Variants in ANKRD30A observed in about 807,000 individuals in gnomAD.
ANKRD30A encodes the protein ankyrin repeat domain 30A.
ANKRD30A carries 170 observed loss-of-function variants against 166.3 expected under a neutral mutation model. The observed-to-expected ratio is 1.02, with a 90% CI of 0.90 to 1.16. The LOEUF is 1.16. ANKRD30A is among the 50% of genes most tolerant of loss of function. The probability of loss-of-function intolerance (pLI) is 0.00; values close to 1 mark genes in which losing one functional copy is unlikely to be tolerated. For synonymous variants in ANKRD30A, 564 were observed against 508.9 expected (o/e 1.11, Z -1.46); for missense variants, 1,630 against 1,518.0 (o/e 1.07, Z -1.23).
intron 31 of ANKRD30A, among the ~76,000 whole-genome samples, chr10:37,212,132 C>T (rs963118594): frequency 6.6e-6 from 1 of 151,908 alleles, no homozygotes; most frequent in Admixed American, 6.6e-5. Flanking sequence ...ATCGTCTCAG[C>T]CCAAAATCTT....
intron 30 of ANKRD30A, among the ~76,000 whole-genome samples, chr10:37,200,236 A>C (rs1658089867): frequency 6.6e-6 from 1 of 152,104 alleles, no homozygotes; most frequent in South Asian, 2.1e-4. Context: ...ACTTGAACGT[A>C]TTGACATATC....
the ANKRD30A span, among the ~76,000 whole-genome samples, chr10:37,247,222 A>C: frequency 6.6e-6 from 1 of 152,204 alleles, no homozygotes; most frequent in African/African-American, 2.4e-5. Context: ...TGGTTGTTTC[A>C]GAGTTACTTT....
chr10:37,202,149 G>T (rs1841664887), intron 31 of ANKRD30A, among the ~76,000 whole-genome samples: 1 of 152,098 alleles, frequency 6.6e-6, no homozygotes, highest in South Asian at 2.1e-4. Context: ...AGGGTCAGAA[G>T]AAAGCATTAT....
intron 15 of ANKRD30A, among the ~76,000 whole-genome samples, chr10:37,158,854 C>T (rs1024722355): frequency 3.9e-5 from 6 of 152,096 alleles, no homozygotes; most frequent in Non-Finnish European, 7.4e-5. Context: ...AATTTCTGTA[C>T]GTGCTTGGTT....
chr10:37,222,424 T>TA (rs1842941827), intron 34 of ANKRD30A, among the ~76,000 whole-genome samples: 1 of 151,380 alleles, frequency 6.6e-6, no homozygotes, highest in Non-Finnish European at 1.5e-5. Flanking sequence ...ATCTATTTTG[T>TA]AGTACATATC....
chr10:37,159,220 A>C lies in ANKRD30A; in HGVS notation c.1900+634A>C, dbSNP rs1451644863. ...TTGCTGTCATTCCCATGCACGTTTA[A>C]AACATTTTACAACAGGCTGTGCATG... is the stretch of plus-strand genomic sequence containing the variant. On this transcript the variant is annotated intron_variant, in intron 15 of 35. Transcript: ENST00000361713. Among the ~76,000 whole-genome samples, 6 of 152,180 alleles carry C rather than the reference A, an allele frequency of 3.9e-5. No homozygotes were observed. The South Asian group carries it at 1.0e-3, about 26-fold the overall frequency.
At chr10:37,259,337 A>C in the ANKRD30A span, among the ~76,000 whole-genome samples, 3 of 152,354 alleles carry the variant, frequency 2.0e-5, no homozygotes, top group South Asian at 6.2e-4. Context: ...CACACAGACC[A>C]GTCTGGTCAA....
chr10:37,179,733 C>A (rs1174498516), intron 24 of ANKRD30A, among the ~76,000 whole-genome samples: 3 of 134,890 alleles, frequency 2.2e-5, no homozygotes, highest in East Asian at 4.1e-4. Flanking sequence ...TAATGTGTTG[C>A]CTTAAAGACA....
chr10:37,141,984 A>G lies in ANKRD30A; in HGVS notation c.1087A>G (p.Ser363Gly), dbSNP rs1446088928. 1 of 1,614,032 alleles carries G rather than the reference A, an allele frequency of 6.2e-7. No homozygotes were observed. The highest frequency in any genetic ancestry group is 1.3e-5 in the African/African-American group (1 of 74,918). Reference sequence around the variant, plus strand: ...AGAAGAAACACCTAGGGAAATTACGAGTCCTGCAAAAGAAACATCTGAGAA... The same window carrying G: ...AGAAGAAACACCTAGGGAAATTACGGGTCCTGCAAAAGAAACATCTGAGAA... ...SAEETPREIT[S>G]PAKETSEKFT... The change falls in exon 7 of 36, where the codon AGT becomes GGT. Residue 363 changes from serine (S) to glycine (G), a missense_variant. Ser to Gly is a moderately conservative substitution (Grantham distance 56). This residue lies in a region of ANKRD30A where 904 missense variants were observed against 818.5 expected (regional missense o/e 1.10). Transcript: ENST00000361713.
At chr10:37,162,487 C>T (rs1442447245) in intron 15 of ANKRD30A, among the ~76,000 whole-genome samples, 162 bp from the exon 16 acceptor site, 1 of 152,022 alleles carries the variant, frequency 6.6e-6, no homozygotes, top group Admixed American at 6.6e-5. Flanking sequence ...GTATTCTTGT[C>T]GTGTGTGTGT....
At chr10:37,209,768 A>G (rs1377382992) in intron 31 of ANKRD30A, among the ~76,000 whole-genome samples, 4 of 152,044 alleles carry the variant, frequency 2.6e-5, no homozygotes, top group African/African-American at 9.7e-5. Context: ...ACTATGACTT[A>G]ATCTTCTTTT....
downstream of ANKRD30A, among the ~76,000 whole-genome samples, chr10:37,236,008 T>A (rs1843659133): frequency 6.6e-6 from 1 of 152,128 alleles, no homozygotes; most frequent in Non-Finnish European, 1.5e-5. Flanking sequence ...GACCTCGTGA[T>A]CTGCCTGCCT....
At chr10:37,253,823 TG>T in the ANKRD30A span, among the ~76,000 whole-genome samples, 1 of 151,990 alleles carries the variant, frequency 6.6e-6, no homozygotes, top group Non-Finnish European at 1.5e-5. Flanking sequence ...AATTTTTTTT[TG>T]TATTTTTAGT....
At chr10:37,158,650 A>G in intron 15 of ANKRD30A, 64 bp downstream of exon 15, 2 of 1,586,552 alleles carry the variant, frequency 1.3e-6, no homozygotes, top group Non-Finnish European at 1.7e-6. Flanking sequence ...AAATGCTGTG[A>G]GACTTTTCAT....
chr10:37,165,273 T>C, intron 18 of ANKRD30A, 118 bp downstream of exon 18: 1 of 963,286 alleles, frequency 1.0e-6, no homozygotes, highest in South Asian at 1.6e-5. Context: ...TTATTTTTGA[T>C]GTTTTTCAGT....
chr10:37,263,529 G>A, the ANKRD30A span, among the ~76,000 whole-genome samples: 1 of 151,418 alleles, frequency 6.6e-6, no homozygotes, highest in African/African-American at 2.4e-5. Flanking sequence ...GACAGTGAGA[G>A]ATCATCAGGC....
chr10:37,132,639 A>C (rs574967060), intron 4 of ANKRD30A, among the ~76,000 whole-genome samples: 1 of 152,276 alleles, frequency 6.6e-6, no homozygotes, highest in African/African-American at 2.4e-5. Flanking sequence ...TTTTTAGTTT[A>C]CTTTATAAAT....
At chr10:37,237,794 A>G in the ANKRD30A span, among the ~76,000 whole-genome samples, 2 of 152,216 alleles carry the variant, frequency 1.3e-5, no homozygotes, top group African/African-American at 4.8e-5. Context: ...TTCTTGCTGA[A>G]TAGAACAGTG....
At chr10:37,133,783 T>C (rs1836513422) in intron 4 of ANKRD30A, 133 bp from the exon 5 acceptor site, 1 of 1,074,246 alleles carries the variant, frequency 9.3e-7, no homozygotes, top group Non-Finnish European at 1.3e-6. Flanking sequence ...TGGTGGTGAT[T>C]TACAAGGATA....
Sources: gnomAD v4.1 joint callset for allele counts (sites outside exome capture counted in the v4.1 genomes callset) on GRCh38, gnomAD v4.1.1 for gene constraint, gnomAD v4.1.1 regional missense constraint, MANE v1.5 for transcripts, NCBI Gene and HGNC (gene_info 2026-07-23, HGNC 2026-07-21) for gene names.